MCF2: variants seen among roughly 807,000 people sequenced by gnomAD.
The protein encoded by MCF2 is proto-oncogene DBL.
A neutral mutation model predicts 82.5 loss-of-function variants in MCF2; 44 were observed. The observed-to-expected ratio is 0.53, with a 90% CI of 0.42 to 0.69. The LOEUF is 0.69. MCF2 is among the 30% of genes least tolerant of loss of function. The probability of loss-of-function intolerance (pLI) is 0.00; values close to 1 mark genes in which losing one functional copy is unlikely to be tolerated. For synonymous variants in MCF2, 217 were observed against 224.9 expected (o/e 0.96, Z 0.32); for missense variants, 623 against 663.1 (o/e 0.94, Z 0.66).
At chrX:139,659,283 C>T (rs1168429930) in intron 1 of MCF2, among the ~76,000 whole-genome samples, 1 of 106,054 alleles carries the variant, frequency 9.4e-6, no homozygotes, top group Non-Finnish European at 1.9e-5. Context: ...AAGACTTCGT[C>T]TAAAAAAAAA....
intron 1 of MCF2, among the ~76,000 whole-genome samples, chrX:139,639,535 T>A (rs1933439605): frequency 9.0e-6 from 1 of 111,202 alleles, no homozygotes; most frequent in Admixed American, 9.6e-5. Flanking sequence ...ATAAGCTCCC[T>A]CTCATCTTTC....
chrX:139,689,823 G>A (rs1935215789), intron 1 of MCF2, among the ~76,000 whole-genome samples: 1 of 109,822 alleles, frequency 9.1e-6, no homozygotes, highest in African/African-American at 3.3e-5. Flanking sequence ...TTCTCTTCTG[G>A]TTGCCCCAGG....
At chrX:139,619,764 G>A in intron 6 of MCF2, 58 bp from the exon 10 acceptor site, 1 of 921,911 alleles carries the variant, frequency 1.1e-6, no homozygotes, top group Non-Finnish European at 1.5e-6. Context: ...TTATGATCAA[G>A]TTTTATACAA....
intron 16 of MCF2, 22 bp from the exon 21 acceptor site, chrX:139,598,520 C>T: frequency 1.1e-6 from 1 of 929,868 alleles, no homozygotes; most frequent in Non-Finnish European, 1.5e-6. Context: ...AGATAAATAT[C>T]AATAAAATTA....
chrX:139,584,969 C>G (rs889838576), intron 24 of MCF2, 97 bp downstream of exon 28: 2 of 520,104 alleles, frequency 3.8e-6, no homozygotes, highest in African/African-American at 4.8e-5. Flanking sequence ...TCCTAATGGC[C>G]TCAAGGATGC....
At chrX:139,642,601 T>A in exon 1 of MCF2, 1 of 1,203,611 alleles carries the variant, frequency 8.3e-7, no homozygotes, top group Non-Finnish European at 1.1e-6. Flanking sequence ...GGGTAGTATT[T>A]AAAAACGGCA....
intron 16 of MCF2, among the ~76,000 whole-genome samples, chrX:139,601,889 T>C (rs1307568152): frequency 9.0e-6 from 1 of 110,927 alleles, no homozygotes; most frequent in Non-Finnish European, 1.9e-5. Context: ...TGGGGTAGAA[T>C]AACGATAAGT....
At chrX:139,634,762 G>A (rs192529107) in intron 1 of MCF2, among the ~76,000 whole-genome samples, 38 of 110,581 alleles carry the variant, frequency 3.4e-4, no homozygotes, top group African/African-American at 1.3e-3. Context: ...TTTCCTACAC[G>A]GCCCTGCCCT....
chrX:139,668,570 T>G (rs1378022447), intron 1 of MCF2, among the ~76,000 whole-genome samples: 1 of 111,735 alleles, frequency 8.9e-6, no homozygotes, highest in Non-Finnish European at 1.9e-5. Context: ...CCCAGCTGCC[T>G]GCCAATCCCG....
At chrX:139,602,266 G>C (rs1335990695) in intron 16 of MCF2, 140 bp downstream of exon 20, 11 of 488,420 alleles carry the variant, frequency 2.3e-5, no homozygotes, top group African/African-American at 1.2e-4. Context: ...TGTGTGTTGG[G>C]GGGGAGGGTG....
At chrX:139,625,497 T>G (rs908273317) in intron 6 of MCF2, among the ~76,000 whole-genome samples, 1 of 111,259 alleles carries the variant, frequency 9.0e-6, no homozygotes, top group Non-Finnish European at 1.9e-5. Context: ...GATGAGCAAG[T>G]GAAATACAAA....
At chrX:139,586,571 A>T in intron 22 of MCF2, 84 bp from the exon 27 acceptor site, 1 of 597,019 alleles carries the variant, frequency 1.7e-6, no homozygotes, top group Non-Finnish European at 2.7e-6. Context: ...TCTTCCATTG[A>T]TACCAAGTGT....
chrX:139,627,697 A>G (rs912620308), intron 4 of MCF2, among the ~76,000 whole-genome samples: 1 of 111,952 alleles, frequency 8.9e-6, no homozygotes, highest in Non-Finnish European at 1.9e-5. Flanking sequence ...TTATACATAG[A>G]TCAGTTTCTT....
chrX:139,642,269 C>A (rs4140610), intron 1 of MCF2, among the ~76,000 whole-genome samples: 1 of 112,025 alleles, frequency 8.9e-6, no homozygotes, highest in Non-Finnish European at 1.9e-5. Flanking sequence ...TTATATTCTA[C>A]CCCCTCAATT....
intron 1 of MCF2, among the ~76,000 whole-genome samples, chrX:139,698,937 C>G (rs1935433059): frequency 9.0e-6 from 1 of 111,381 alleles, no homozygotes; most frequent in Non-Finnish European, 1.9e-5. Context: ...CTTCTGTCAT[C>G]TCATTTGATC....
In MCF2 at chrX:139,613,735, C is replaced by T. The variant is rs142673460; in HGVS notation, c.1363+1146G>A. Among the ~76,000 whole-genome samples, 7 of 110,669 alleles carry T rather than the reference C, an allele frequency of 6.3e-5. No individual in the cohort carries two copies. The East Asian group carries it at 2.0e-3, about 31-fold the overall frequency. On this transcript the variant is annotated intron_variant, in intron 10 of 24. Coordinates refer to ENST00000370576, the Ensembl canonical transcript of MCF2. Reference sequence around the variant, plus strand: ...TTCTCATAGCTATCGGGTTTTATCCCCTTACTGTTTTTTATTTTGTTATCT... The same window carrying T: ...TTCTCATAGCTATCGGGTTTTATCCTCTTACTGTTTTTTATTTTGTTATCT...
chrX:139,583,651 A>G (rs112306878), intron 24 of MCF2, among the ~76,000 whole-genome samples: 2,768 of 111,395 alleles, frequency 0.025, 41 homozygotes, highest in East Asian at 0.081. Context: ...GTTGGGTACT[A>G]TGCTCACTAC....
At chrX:139,598,970 A>G (rs1453441213) in intron 16 of MCF2, among the ~76,000 whole-genome samples, 1 of 110,757 alleles carries the variant, frequency 9.0e-6, no homozygotes, top group Non-Finnish European at 1.9e-5. Context: ...AACTGGTGCT[A>G]TACTTCAGTA....
intron 19 of MCF2, among the ~76,000 whole-genome samples, chrX:139,592,787 C>G (rs1055594072): frequency 1.8e-4 from 20 of 111,614 alleles, no homozygotes; most frequent in African/African-American, 5.2e-4. Context: ...GGAAAATACA[C>G]AATAGGAAGA....
Sources: allele counts gnomAD v4.1 joint callset (sites outside exome capture counted in the v4.1 genomes callset), GRCh38; gene constraint gnomAD v4.1.1; transcripts MANE v1.5; gene names NCBI Gene and HGNC (gene_info 2026-07-23, HGNC 2026-07-21).